The following RUNDC3B variants were observed in gnomAD, a reference collection of about 807,000 sequenced individuals.
The protein encoded by RUNDC3B is RUN domain containing 3B.
In RUNDC3B, 33 loss-of-function variants were observed where a neutral mutation model predicts 58.4. The ratio of observed to expected loss-of-function variants is 0.56; its 90% CI spans 0.43 to 0.75. The LOEUF is 0.75. RUNDC3B is among the 30% of genes least tolerant of loss of function. The pLI is 0.00. For synonymous variants in RUNDC3B, 193 were observed against 195.2 expected, an observed-to-expected ratio of 0.99 and a Z score of 0.10; for missense variants, 501 against 535.7, an observed-to-expected ratio of 0.94 and a Z score of 0.64.
At chr7:87,647,978 A>G (rs1180208450) in intron 1 of RUNDC3B, among the ~76,000 whole-genome samples, 1 of 152,008 alleles carries the variant, frequency 6.6e-6, no homozygotes, top group Non-Finnish European at 1.5e-5. Context: ...AGGTCAAGAA[A>G]TCGAGACCAT....
intron 7 of RUNDC3B, 104 bp from the exon 8 acceptor site, chr7:87,777,694 A>G: frequency 1.2e-6 from 1 of 837,620 alleles, no homozygotes; most frequent in Non-Finnish European, 1.8e-6. Context: ...AAATTGTTTC[A>G]TTACAATATA....
intron 6 of RUNDC3B, among the ~76,000 whole-genome samples, chr7:87,752,853 A>G (rs369041518): frequency 1.9e-4 from 29 of 151,700 alleles, no homozygotes; most frequent in African/African-American, 5.6e-4. Flanking sequence ...TTTTTTGAAG[A>G]GTTTTTTGTG....
rs1257268469 is a variant in RUNDC3B, at chr7:87,826,288, T to TAAA, written c.1226-3597_1226-3596insAAA. ...TGAGTCTCACGAAATCTGATGGTTT[T>TAAA]CAAAAGGGGAGTTTCCCTGCATAAG... On this transcript the variant is annotated intron_variant, in intron 10 of 10. Transcript: ENST00000394654. Among the ~76,000 whole-genome samples, 11 of 152,192 alleles carry TAAA rather than the reference T, an allele frequency of 7.2e-5. No individual in the cohort carries two copies. The East Asian group carries it at 2.1e-3, about 29-fold the overall frequency.
At chr7:87,663,453 G>A (rs571364338) in intron 2 of RUNDC3B, among the ~76,000 whole-genome samples, 20 of 151,752 alleles carry the variant, frequency 1.3e-4, no homozygotes, top group South Asian at 8.3e-4. Context: ...TTCTTCTACC[G>A]CTACTATGTA....
chr7:87,790,761 T>C (rs1835482888), intron 8 of RUNDC3B, among the ~76,000 whole-genome samples: 2 of 151,564 alleles, frequency 1.3e-5, no homozygotes, highest in Non-Finnish European at 2.9e-5. Flanking sequence ...ATTAGTGAAC[T>C]CAAAGACAGG....
At chr7:87,716,669 C>CA (rs1247425662) in intron 4 of RUNDC3B, among the ~76,000 whole-genome samples, 14 of 152,096 alleles carry the variant, frequency 9.2e-5, no homozygotes, top group African/African-American at 3.4e-4. Flanking sequence ...AAGGTTTTCC[C>CA]ATAAATTTTA....
intron 2 of RUNDC3B, among the ~76,000 whole-genome samples, chr7:87,679,717 A>G (rs1416626215): frequency 6.7e-6 from 1 of 150,366 alleles, no homozygotes; most frequent in Non-Finnish European, 1.5e-5. Flanking sequence ...TAACATTTAT[A>G]AAATACTCCT....
intron 8 of RUNDC3B, among the ~76,000 whole-genome samples, chr7:87,793,465 A>G (rs1835638234): frequency 6.6e-6 from 1 of 152,270 alleles, no homozygotes; most frequent in Non-Finnish European, 1.5e-5. Flanking sequence ...TACACTAAAA[A>G]TATCATTCAT....
At chr7:87,821,712 A>AACAGAACCCTCAG (rs879724956) in intron 10 of RUNDC3B, among the ~76,000 whole-genome samples, 19 of 152,230 alleles carry the variant, frequency 1.2e-4, no homozygotes, top group Non-Finnish European at 2.6e-4. Flanking sequence ...AATGGAACAG[A>AACAGAACCCTCAG]ACAGAACCCT....
chr7:87,683,997 A>G (rs1008021499), intron 2 of RUNDC3B, among the ~76,000 whole-genome samples: 2 of 152,236 alleles, frequency 1.3e-5, no homozygotes, highest in Admixed American at 1.3e-4. Flanking sequence ...GTACTTGAAA[A>G]TGGATGTATT....
chr7:87,773,599 A>G (rs1834423099), intron 7 of RUNDC3B, among the ~76,000 whole-genome samples: 1 of 152,166 alleles, frequency 6.6e-6, no homozygotes. Flanking sequence ...CTTTTCAAGC[A>G]TATATGGAAC....
intron 6 of RUNDC3B, among the ~76,000 whole-genome samples, chr7:87,742,104 T>C (rs1162084107): frequency 6.6e-6 from 1 of 152,220 alleles, no homozygotes; most frequent in Non-Finnish European, 1.5e-5. Flanking sequence ...AATTCTGGAT[T>C]TCCCACAATC....
At chr7:87,761,060 T>C (rs920164517) in intron 6 of RUNDC3B, among the ~76,000 whole-genome samples, 1 of 151,560 alleles carries the variant, frequency 6.6e-6, no homozygotes, top group Admixed American at 6.6e-5. Context: ...TGGGAGAAAA[T>C]TTTTGCAAAT....
chr7:87,629,710 G>C (rs1427143224), intron 1 of RUNDC3B, among the ~76,000 whole-genome samples: 1 of 151,834 alleles, frequency 6.6e-6, no homozygotes, highest in Non-Finnish European at 1.5e-5. Context: ...GGCGGATCAC[G>C]AGGTCGGAGT....
intron 2 of RUNDC3B, among the ~76,000 whole-genome samples, chr7:87,658,787 AT>A (rs2130433864): frequency 6.6e-6 from 1 of 152,326 alleles, no homozygotes; most frequent in Admixed American, 6.5e-5. Context: ...TGAAGGAAAC[AT>A]TAAGACCTTC....
chr7:87,758,785 C>T (rs909788683), intron 6 of RUNDC3B, among the ~76,000 whole-genome samples: 1 of 152,136 alleles, frequency 6.6e-6, no homozygotes, highest in Non-Finnish European at 1.5e-5. Flanking sequence ...GAGATATCAT[C>T]TCACTCTAGT....
At chr7:87,635,477 GACA>G (rs1821678182) in intron 1 of RUNDC3B, among the ~76,000 whole-genome samples, 1 of 152,052 alleles carries the variant, frequency 6.6e-6, no homozygotes, top group African/African-American at 2.4e-5. Flanking sequence ...ATGTATAACT[GACA>G]ACTTTATCTT....
At chr7:87,742,089 G>A (rs1832358703) in intron 6 of RUNDC3B, among the ~76,000 whole-genome samples, 1 of 152,110 alleles carries the variant, frequency 6.6e-6, no homozygotes, top group Non-Finnish European at 1.5e-5. Flanking sequence ...CCAATACTGT[G>A]TGAGAATTCT....
chr7:87,767,086 G>A (rs62489868), intron 6 of RUNDC3B, among the ~76,000 whole-genome samples: 8,112 of 152,016 alleles, frequency 0.053, 288 homozygotes, highest in Non-Finnish European at 0.084. Context: ...ATTTCTTCAA[G>A]TTCTGTTTGG....
Sources: allele counts gnomAD v4.1 joint callset (sites outside exome capture counted in the v4.1 genomes callset), GRCh38; gene constraint gnomAD v4.1.1; transcripts MANE v1.5; gene names NCBI Gene and HGNC (gene_info 2026-07-23, HGNC 2026-07-21).